Variants in FIG4 observed in about 807,000 individuals in gnomAD.
The protein encoded by FIG4 is polyphosphoinositide phosphatase.
In FIG4, 112 loss-of-function variants were observed where a neutral mutation model predicts 118.6. The ratio of observed to expected loss-of-function variants is 0.94; its 90% CI spans 0.81 to 1.11. The LOEUF (loss-of-function observed/expected upper bound fraction) is 1.11. FIG4 is among the 50% of genes least tolerant of loss of function. FIG4 has a pLI of 0.00. For missense variants in FIG4, 969 were observed against 1,111.7 expected (o/e 0.87, Z 1.83); for synonymous variants, 369 against 381.2 (o/e 0.97, Z 0.37).
chr6:109,725,295 T>C (rs1391215134), intron 3 of FIG4, among the ~76,000 whole-genome samples: 1 of 152,018 alleles, frequency 6.6e-6, no homozygotes, highest in Non-Finnish European at 1.5e-5. Context: ...GATGTTCCCC[T>C]CCCTATGTCT....
chr6:109,788,461 C>T (rs971580710), intron 18 of FIG4, among the ~76,000 whole-genome samples: 6 of 152,182 alleles, frequency 3.9e-5, no homozygotes, highest in African/African-American at 4.8e-5. Context: ...CACTCATTTA[C>T]GATAGGAGAG....
intron 1 of FIG4, among the ~76,000 whole-genome samples, chr6:109,711,202 A>G (rs376050332): frequency 6.6e-5 from 10 of 152,212 alleles, no homozygotes; most frequent in African/African-American, 1.9e-4. Context: ...GATCGATACC[A>G]TCTTGGCTAA....
At chr6:109,743,448 G>C (rs1378595477) in intron 9 of FIG4, 176 bp downstream of exon 9, 7 of 676,064 alleles carry the variant, frequency 1.0e-5, no homozygotes, top group Non-Finnish European at 1.8e-5. Context: ...GTTTAATTTT[G>C]ACTGTTAAAT....
rs73523085 is a variant in FIG4 at position 109,774,914 on chromosome 6, G to A, written c.1751-2008G>A. Among the ~76,000 whole-genome samples, 1,309 of 151,984 alleles carry A rather than the reference G, an allele frequency of 8.6e-3. 28 individuals carry two copies. Among genetic ancestry groups the A allele is most frequent in the African/African-American group, 0.028 (1,169 of 41,456 alleles). On this transcript the variant is annotated intron_variant, in intron 15 of 22. Transcript: ENST00000230124. The stretch of plus-strand genomic sequence containing the variant: ...ACTTCCTTTCATTGCTGATTTCAGA[G>A]GACACTGTATCATAAACTTAATATT...
intron 1 of FIG4, 62 bp downstream of exon 1, chr6:109,691,563 G>T: frequency 7.2e-7 from 1 of 1,392,308 alleles, no homozygotes; most frequent in South Asian, 1.2e-5. Flanking sequence ...TGGGTGTGGG[G>T]CCGTAGGACA....
intron 4 of FIG4, among the ~76,000 whole-genome samples, chr6:109,731,626 A>G (rs1428511362): frequency 3.3e-5 from 5 of 152,212 alleles, no homozygotes; most frequent in Admixed American, 2.0e-4. Flanking sequence ...TATAACAACT[A>G]TAGAATTACG....
chr6:109,697,767 C>T (rs1438506319), intron 1 of FIG4, among the ~76,000 whole-genome samples: 2 of 152,140 alleles, frequency 1.3e-5, no homozygotes, highest in Non-Finnish European at 2.9e-5. Flanking sequence ...TTTGTCTGTA[C>T]CTCAATTGTC....
At chr6:109,759,065 A>T (rs1777016353) in intron 10 of FIG4, among the ~76,000 whole-genome samples, 1 of 152,224 alleles carries the variant, frequency 6.6e-6, no homozygotes, top group African/African-American at 2.4e-5. Flanking sequence ...CTAGAACCAG[A>T]AATGCCATTT....
chr6:109,714,305 A>T (rs1775361674), intron 1 of FIG4, among the ~76,000 whole-genome samples: 1 of 152,112 alleles, frequency 6.6e-6, no homozygotes. Flanking sequence ...TTCCCTCTTC[A>T]GCCCAGCTTC....
At chr6:109,730,478 A>G (rs1390434680) in intron 4 of FIG4, among the ~76,000 whole-genome samples, 1 of 152,190 alleles carries the variant, frequency 6.6e-6, no homozygotes, top group Non-Finnish European at 1.5e-5. Context: ...GAAACAAGAA[A>G]AACAAGAAGG....
chr6:109,816,661 T>C (rs776961211), intron 22 of FIG4, among the ~76,000 whole-genome samples: 2 of 152,102 alleles, frequency 1.3e-5, no homozygotes, highest in African/African-American at 2.4e-5. Context: ...AAGCCCTCTC[T>C]CATTAAACAA....
chr6:109,713,773 G>A (rs1304679911), intron 1 of FIG4, among the ~76,000 whole-genome samples: 4 of 152,110 alleles, frequency 2.6e-5, no homozygotes, highest in African/African-American at 9.7e-5. Context: ...GGCCATGGGG[G>A]CCACCCCACT....
At chr6:109,716,219 T>C (rs1775426383) in intron 2 of FIG4, among the ~76,000 whole-genome samples, 1 of 152,174 alleles carries the variant, frequency 6.6e-6, no homozygotes, top group African/African-American at 2.4e-5. Flanking sequence ...AGTATAAGGT[T>C]TGGACATTTT....
chr6:109,797,775 A>G (rs1419862343), intron 22 of FIG4, among the ~76,000 whole-genome samples: 1 of 152,016 alleles, frequency 6.6e-6, no homozygotes, highest in Non-Finnish European at 1.5e-5. Context: ...GCGTGCCTGT[A>G]ATTCCAGATA....
intron 4 of FIG4, among the ~76,000 whole-genome samples, chr6:109,729,329 C>T (rs1437641452): frequency 6.6e-6 from 1 of 152,124 alleles, no homozygotes; most frequent in Admixed American, 6.5e-5. Flanking sequence ...CTTTCTTAAT[C>T]TGATAAATGA....
At chr6:109,725,091 A>AT (rs917701366) in intron 3 of FIG4, among the ~76,000 whole-genome samples, 11 of 151,660 alleles carry the variant, frequency 7.3e-5, no homozygotes, top group East Asian at 3.9e-4. Flanking sequence ...GTTTAGAGTA[A>AT]TTTTTTTTTA....
At chr6:109,762,432 A>G (rs550417474) in intron 12 of FIG4, among the ~76,000 whole-genome samples, 1 of 151,906 alleles carries the variant, frequency 6.6e-6, no homozygotes, top group Non-Finnish European at 1.5e-5. Flanking sequence ...CTCTTGCTTC[A>G]TAGAACAAAT....
At chr6:109,772,390 C>T (rs1397199380) in intron 15 of FIG4, among the ~76,000 whole-genome samples, 3 of 152,170 alleles carry the variant, frequency 2.0e-5, no homozygotes, top group Non-Finnish European at 4.4e-5. Context: ...TTTAACTTCT[C>T]ATGAACTCCA....
intron 22 of FIG4, among the ~76,000 whole-genome samples, chr6:109,801,345 C>T (rs1245700264): frequency 6.6e-6 from 1 of 151,826 alleles, no homozygotes. Flanking sequence ...GTTAGAAGTT[C>T]GAGACCAGCC....
Sources: gnomAD v4.1 joint callset for allele counts (sites outside exome capture counted in the v4.1 genomes callset) on GRCh38, gnomAD v4.1.1 for gene constraint, MANE v1.5 for transcripts, NCBI Gene and HGNC (gene_info 2026-07-23, HGNC 2026-07-21) for gene names.